ZFHX3: variants seen among roughly 807,000 people sequenced by gnomAD.
The protein encoded by ZFHX3 is zinc finger homeobox protein 3.
Under a neutral mutation model 279.1 loss-of-function variants are expected in ZFHX3, and 42 were observed. The observed-to-expected ratio is 0.15, with a 90% CI of 0.12 to 0.19. The LOEUF (loss-of-function observed/expected upper bound fraction) is 0.19, where lower values mean the gene tolerates loss of function less well. Among genes scored for constraint, ZFHX3 ranks in the 10% least tolerant of loss-of-function variants. The probability of loss-of-function intolerance (pLI) is 1.00; values close to 1 mark genes in which losing one functional copy is unlikely to be tolerated. For synonymous variants in ZFHX3, 2,293 were observed against 1,957.8 expected (o/e 1.17, Z -4.52); for missense variants, 4,981 against 4,754.0 (o/e 1.05, Z -1.40).
At chr16:73,088,203 C>T (rs530339104) in intron 8 of ZFHX3, among the ~76,000 whole-genome samples, 16 of 151,944 alleles carry the variant, frequency 1.1e-4, no homozygotes, top group East Asian at 1.9e-4. Context: ...TGGAGCACAG[C>T]GGAGTGATCA....
intron 5 of ZFHX3, among the ~76,000 whole-genome samples, chr16:73,254,975 T>C (rs913212164): frequency 6.7e-6 from 1 of 149,502 alleles, no homozygotes; most frequent in Non-Finnish European, 1.5e-5. Context: ...TTGCTAAGCC[T>C]TTCCCTAGTG....
intron 7 of ZFHX3, among the ~76,000 whole-genome samples, chr16:73,101,441 C>T (rs1227097198): frequency 2.6e-5 from 4 of 152,168 alleles, no homozygotes; most frequent in African/African-American, 9.7e-5. Context: ...TGCAATGGCA[C>T]GATCTTGGCT....
intron 2 of ZFHX3, among the ~76,000 whole-genome samples, chr16:73,458,177 C>A (rs1308971504): frequency 6.6e-6 from 1 of 152,158 alleles, no homozygotes; most frequent in Admixed American, 6.5e-5. Context: ...GCCTCTTTCT[C>A]TTTTTCTTTC....
chr16:73,653,063 G>A (rs1239919328), intron 2 of ZFHX3, among the ~76,000 whole-genome samples: 1 of 152,074 alleles, frequency 6.6e-6, no homozygotes, highest in Non-Finnish European at 1.5e-5. Context: ...TCAACCAGAA[G>A]AAAAGTGGTG....
At chr16:72,936,571 G>A (rs1046250585) in intron 3 of ZFHX3, among the ~76,000 whole-genome samples, 11 of 152,198 alleles carry the variant, frequency 7.2e-5, no homozygotes. Flanking sequence ...CATACACTCA[G>A]TAGAACAGCA....
chr16:73,341,211 G>A (rs2143258369), intron 3 of ZFHX3, among the ~76,000 whole-genome samples: 1 of 152,148 alleles, frequency 6.6e-6, no homozygotes, highest in Non-Finnish European at 1.5e-5. Flanking sequence ...TGTGATGGCA[G>A]GCACCTGTAA....
At chr16:73,196,470 C>G (rs1968151977) in intron 5 of ZFHX3, among the ~76,000 whole-genome samples, 1 of 151,948 alleles carries the variant, frequency 6.6e-6, no homozygotes, top group Admixed American at 6.6e-5. Flanking sequence ...TACATTTCTT[C>G]TCTGAAAAAT....
chr16:73,021,124 T>C (rs961817468), intron 1 of ZFHX3, among the ~76,000 whole-genome samples: 1 of 152,250 alleles, frequency 6.6e-6, no homozygotes, highest in Non-Finnish European at 1.5e-5. Context: ...AATTAAAGAT[T>C]TGAGCAGCTA....
intron 3 of ZFHX3, among the ~76,000 whole-genome samples, chr16:72,920,613 T>C (rs1410003877): frequency 6.6e-6 from 1 of 151,732 alleles, no homozygotes; most frequent in Non-Finnish European, 1.5e-5. Context: ...GAGGTTGTAG[T>C]GAGACACGAT....
At chr16:72,863,656 T>C (rs1370535763) in intron 4 of ZFHX3, among the ~76,000 whole-genome samples, 1 of 152,100 alleles carries the variant, frequency 6.6e-6, no homozygotes, top group East Asian at 1.9e-4. Flanking sequence ...CAGGACTGGC[T>C]GTGAGTGGGT....
chr16:73,833,890 A>G (rs1487414272), intron 1 of ZFHX3, among the ~76,000 whole-genome samples: 3 of 151,196 alleles, frequency 2.0e-5, no homozygotes, highest in African/African-American at 7.3e-5. Flanking sequence ...GCATATATGT[A>G]TATGTATGTG....
In ZFHX3 at chr16:72,980,366, T is replaced by A. The variant is rs528659419; in HGVS notation, c.-49-20172A>T. Among the ~76,000 whole-genome samples the A allele has an allele frequency of 5.3e-5, 8 of 152,110 alleles. No individual in the cohort carries two copies. The South Asian group carries it at 1.7e-3, about 32-fold the overall frequency. On this transcript the variant is annotated intron_variant, in intron 1 of 9. Coordinates refer to ENST00000268489, the MANE Select transcript of ZFHX3 (RefSeq NM_006885.4). ...AACAACAGCTAGATGCGCTATGTAG[T>A]TTCGTATGGATGCCAGTTCTAACCA...
At chr16:72,886,890 AC>A (rs1246589472) in intron 4 of ZFHX3, among the ~76,000 whole-genome samples, 2 of 152,190 alleles carry the variant, frequency 1.3e-5, no homozygotes, top group Non-Finnish European at 2.9e-5. Context: ...TCCCATGTAG[AC>A]GGATGGGATC....
chr16:73,080,983 A>G (rs1965936569), intron 8 of ZFHX3, among the ~76,000 whole-genome samples: 1 of 152,182 alleles, frequency 6.6e-6, no homozygotes, highest in Non-Finnish European at 1.5e-5. Flanking sequence ...GTTTGTGCAG[A>G]TGGGTTTTCA....
At chr16:72,922,369 C>T (rs1204505642) in intron 3 of ZFHX3, among the ~76,000 whole-genome samples, 4 of 152,208 alleles carry the variant, frequency 2.6e-5, no homozygotes, top group African/African-American at 4.8e-5. Flanking sequence ...GACAAACAAC[C>T]TTCCCTTTGG....
At chr16:73,720,971 A>T (rs1207026679) in intron 1 of ZFHX3, among the ~76,000 whole-genome samples, 1 of 152,208 alleles carries the variant, frequency 6.6e-6, no homozygotes, top group Non-Finnish European at 1.5e-5. Flanking sequence ...GTGACAGCCT[A>T]GGGGCCACGT....
chr16:73,200,440 C>T (rs368588285), intron 5 of ZFHX3, among the ~76,000 whole-genome samples: 7 of 152,032 alleles, frequency 4.6e-5, no homozygotes, highest in Admixed American at 1.3e-4. Context: ...ATCGAATAAT[C>T]ATATGAAAAA....
intron 3 of ZFHX3, among the ~76,000 whole-genome samples, chr16:72,922,403 A>G (rs1011472817): frequency 2.0e-5 from 3 of 152,166 alleles, no homozygotes; most frequent in East Asian, 3.9e-4. Flanking sequence ...TTAGTTCTCT[A>G]TCAGCTGAAG....
At position 72,788,864 on chromosome 16, in the gene ZFHX3, A is replaced by G. The variant is rs1341377068; in HGVS notation, c.9428-16T>C. The G allele has an allele frequency of 6.6e-7, 1 of 1,515,312 alleles. No homozygotes were observed. Among genetic ancestry groups the G allele is most frequent in the African/African-American group, 1.4e-5 (1 of 71,560 alleles). 93.9% of individuals were successfully genotyped at this position (1,515,312 alleles called of 1,614,324 possible). On this transcript the variant is annotated splice_polypyrimidine_tract_variant and intron_variant, in intron 9 of 9. Transcript: ENST00000268489. ...GACGTTAAAGCTGAAAGGAATGGAGACAGAAATCACCGGTCAGTCTGGGCA... is the reference window on the plus strand; with the variant it reads ...GACGTTAAAGCTGAAAGGAATGGAGGCAGAAATCACCGGTCAGTCTGGGCA...
Sources: allele counts gnomAD v4.1 joint callset (sites outside exome capture counted in the v4.1 genomes callset), GRCh38; gene constraint gnomAD v4.1.1; transcripts MANE v1.5; gene names NCBI Gene and HGNC (gene_info 2026-07-23, HGNC 2026-07-21).